Variants in ARHGAP39 observed in about 807,000 individuals in gnomAD.
The protein encoded by ARHGAP39 is Rho GTPase activating protein 39, also known as rho GTPase-activating protein 39.
Under a neutral mutation model 106.9 loss-of-function variants are expected in ARHGAP39, and 44 were observed. The observed-to-expected ratio is 0.41, with a 90% CI of 0.32 to 0.53. ARHGAP39 has a LOEUF of 0.53. Among genes scored for constraint, ARHGAP39 ranks in the 20% least tolerant of loss-of-function variants. ARHGAP39 has a pLI of 0.21. For synonymous variants in ARHGAP39, 768 were observed against 693.2 expected, an observed-to-expected ratio of 1.11 and a Z score of -1.69; for missense variants, 1,496 against 1,577.3, an observed-to-expected ratio of 0.95 and a Z score of 0.87.
Position 144,573,728 on chromosome 8 carries a change from T to A in ARHGAP39, c.512+7118A>T, listed in dbSNP as rs559427674. 1.1e-4 allele frequency among the ~76,000 whole-genome samples: 16 copies of A among 152,014 alleles called. No homozygotes were observed. The South Asian group carries it at 3.3e-3, about 32-fold the overall frequency. ...CCTTTTGAAGGAGTCATAAAATCAT[T>A]TACAAAAATTTATGAATTAGCCCAC... On this transcript the variant is annotated intron_variant, in intron 3 of 11. Transcript: ENST00000377307.
rs1214980994 is a variant in ARHGAP39 at position 144,591,406 on chromosome 8, G to A, written c.81-10129C>T. Reference sequence around the variant, plus strand: ...CAGGAAACTTGTCTTGAGGCCTGGGGGGACCAAAGGTAGCAGGGCCACCGT... The same window carrying A: ...CAGGAAACTTGTCTTGAGGCCTGGGAGGACCAAAGGTAGCAGGGCCACCGT... On this transcript the variant is annotated intron_variant, in intron 2 of 11. Transcript: ENST00000377307. This position sits in a 1 kb window ranked among gnomAD's most constrained non-coding sequence, Gnocchi z 5.3. Among the ~76,000 whole-genome samples, 1 of 152,226 alleles carries A rather than the reference G, an allele frequency of 6.6e-6. No homozygotes were observed. The highest frequency in any genetic ancestry group is 1.5e-5 in the Non-Finnish European group (1 of 68,042).
chr8:144,628,834 C>T (rs996425996), intron 1 of ARHGAP39, among the ~76,000 whole-genome samples: 17 of 152,378 alleles, frequency 1.1e-4, no homozygotes, highest in Middle Eastern at 3.4e-3. Flanking sequence ...ACTGCCCCAC[C>T]CTGTCACCGC....
At chr8:144,576,682 A>T (rs2130892939) in intron 3 of ARHGAP39, among the ~76,000 whole-genome samples, 1 of 152,368 alleles carries the variant, frequency 6.6e-6, no homozygotes, top group East Asian at 1.9e-4. Flanking sequence ...TTCTCTGAGA[A>T]GTTCTGCGCA....
intron 1 of ARHGAP39, among the ~76,000 whole-genome samples, chr8:144,662,665 C>T (rs1262033504): frequency 6.6e-6 from 1 of 150,606 alleles, no homozygotes; most frequent in Non-Finnish European, 1.5e-5. Context: ...CTCCTCCTCC[C>T]CATTATCCGC....
chr8:144,529,391 T>C lies in ARHGAP39; in HGVS notation c.*1031A>G, dbSNP rs1816555537. The C allele has an allele frequency of 6.6e-6, 1 of 152,472 alleles. No individual in the cohort carries two copies. The allele number at this position is 152,472 out of a possible 1,614,324, so 9.4% of individuals were successfully genotyped here. A position where few individuals can be genotyped will look rare whatever the true frequency, so the allele number is the denominator to read the frequency against. ...TAAAAACTGGGGAGAAATTAAGTTT[T>C]ACAACAATTGGAACTCAAAATTCCA... On this transcript the variant is annotated 3_prime_UTR_variant, in exon 12 of 12. Transcript: ENST00000377307.
At chr8:144,623,480 G>A (rs138774129) in intron 1 of ARHGAP39, among the ~76,000 whole-genome samples, 2 of 152,386 alleles carry the variant, frequency 1.3e-5, no homozygotes, top group Non-Finnish European at 2.9e-5. Flanking sequence ...GGAAGAGACA[G>A]AGCTGATGCG....
chr8:144,570,593 A>G (rs1818552589), intron 3 of ARHGAP39, among the ~76,000 whole-genome samples: 1 of 152,222 alleles, frequency 6.6e-6, no homozygotes, highest in South Asian at 2.1e-4. Context: ...CTGCTTCAAT[A>G]TATAAGAAGT....
intron 1 of ARHGAP39, among the ~76,000 whole-genome samples, chr8:144,652,903 C>T (rs931732167): frequency 6.6e-6 from 1 of 151,758 alleles, no homozygotes; most frequent in African/African-American, 2.4e-5. Flanking sequence ...ACATGTACCC[C>T]CCCGAATCTA....
chr8:144,696,250 T>C, the ARHGAP39 span, among the ~76,000 whole-genome samples: 13 of 152,184 alleles, frequency 8.5e-5, no homozygotes, highest in African/African-American at 2.7e-4. Context: ...GCGATTCTCA[T>C]GCCTTAGCCT....
At chr8:144,635,017 G>A (rs140893282) in intron 1 of ARHGAP39, among the ~76,000 whole-genome samples, 167 of 152,348 alleles carry the variant, frequency 1.1e-3, no homozygotes, top group African/African-American at 3.8e-3. Flanking sequence ...AAACATTCTC[G>A]AATCCCTAAT....
the ARHGAP39 span, among the ~76,000 whole-genome samples, chr8:144,691,124 C>G: frequency 6.6e-6 from 1 of 152,302 alleles, no homozygotes; most frequent in Middle Eastern, 3.4e-3. Flanking sequence ...CCCCAGGTGA[C>G]CATCCAGTGT....
At chr8:144,537,866 C>G in intron 6 of ARHGAP39, 53 bp from the exon 7 acceptor site, 1 of 1,535,736 alleles carries the variant, frequency 6.5e-7, no homozygotes, top group Non-Finnish European at 9.0e-7. Context: ...CAGGAGCCAG[C>G]GCCCACTCAG....
At chr8:144,661,524 T>C (rs544964611) in intron 1 of ARHGAP39, among the ~76,000 whole-genome samples, 1 of 152,214 alleles carries the variant, frequency 6.6e-6, no homozygotes, top group East Asian at 1.9e-4. Flanking sequence ...GAAAACAGCC[T>C]CTAACCAGCC....
chr8:144,648,356 C>T lies in ARHGAP39; in HGVS notation c.-82+37330G>A, dbSNP rs116071883. Among the ~76,000 whole-genome samples the T allele has an allele frequency of 2.3e-3, 356 of 152,346 alleles. 1 individual carries two copies. Among genetic ancestry groups the T allele is most frequent in the African/African-American group, 8.2e-3 (341 of 41,584 alleles). On this transcript the variant is annotated intron_variant, in intron 1 of 11. Transcript: ENST00000377307. ...CATATACAACTATTTTAGGCCCCTA[C>T]ATTTTGGGGTAATTTGTTATCCAGC...
intron 1 of ARHGAP39, among the ~76,000 whole-genome samples, chr8:144,606,070 C>T (rs918760913): frequency 4.6e-5 from 7 of 152,224 alleles, no homozygotes; most frequent in Non-Finnish European, 8.8e-5. Flanking sequence ...GGACCTGCTC[C>T]GCCCTCACTC....
At chr8:144,685,479 G>A (rs1029406246) in intron 1 of ARHGAP39, among the ~76,000 whole-genome samples, 2 of 91,368 alleles carry the variant, frequency 2.2e-5, no homozygotes, top group African/African-American at 8.6e-5. Flanking sequence ...CCCCCCGCCC[G>A]GCCGGGCCCC....
At chr8:144,575,674 AT>A (rs200519546) in intron 3 of ARHGAP39, among the ~76,000 whole-genome samples, 8 of 149,162 alleles carry the variant, frequency 5.4e-5, no homozygotes, top group East Asian at 2.0e-4. Flanking sequence ...TCCAGCTAAC[AT>A]TTTTTTTTTA....
intron 1 of ARHGAP39, among the ~76,000 whole-genome samples, chr8:144,654,630 G>T (rs1821651604): frequency 6.6e-6 from 1 of 152,240 alleles, no homozygotes; most frequent in Non-Finnish European, 1.5e-5. Flanking sequence ...GGAGCTGGCA[G>T]GAGCCGGGGA....
At chr8:144,567,429 G>A (rs755075701) in intron 3 of ARHGAP39, among the ~76,000 whole-genome samples, 22 of 152,218 alleles carry the variant, frequency 1.4e-4, no homozygotes, top group Non-Finnish European at 3.1e-4. Flanking sequence ...GCGGACCGTG[G>A]TCTAGCAGTA....
Sources: gnomAD v4.1 joint callset for allele counts (sites outside exome capture counted in the v4.1 genomes callset) on GRCh38, gnomAD v4.1.1 for gene constraint, Gnocchi (gnomAD v3.1) non-coding constraint, MANE v1.5 for transcripts, NCBI Gene and HGNC (gene_info 2026-07-23, HGNC 2026-07-21) for gene names.